SIPA1L2: variants seen among roughly 807,000 people sequenced by gnomAD.
SIPA1L2 encodes signal induced proliferation associated 1 like 2.
A neutral mutation model predicts 163.9 loss-of-function variants in SIPA1L2; 56 were observed. That is an observed-to-expected ratio of 0.34 (90% CI 0.28 to 0.43). The LOEUF (loss-of-function observed/expected upper bound fraction) is 0.43, where lower values mean the gene tolerates loss of function less well. Among genes scored for constraint, SIPA1L2 ranks in the 20% least tolerant of loss-of-function variants. The pLI is 1.00. For synonymous variants in SIPA1L2, 877 were observed against 865.7 expected, an observed-to-expected ratio of 1.01 and a Z score of -0.23; for missense variants, 1,974 against 2,193.5, an observed-to-expected ratio of 0.90 and a Z score of 2.00.
intron 1 of SIPA1L2, among the ~76,000 whole-genome samples, chr1:232,589,060 G>C (rs1660831139): frequency 2.6e-5 from 4 of 152,152 alleles, no homozygotes. Context: ...TAATTGAGAA[G>C]CACTATCTGA....
intron 2 of SIPA1L2, among the ~76,000 whole-genome samples, chr1:232,551,743 C>T (rs1198433046): frequency 1.3e-5 from 2 of 152,242 alleles, no homozygotes; most frequent in Admixed American, 1.3e-4. Context: ...TTTTAAAAAG[C>T]TACAGCCGGA....
At chr1:232,502,198 A>C (rs1218860105) in intron 3 of SIPA1L2, among the ~76,000 whole-genome samples, 1 of 152,170 alleles carries the variant, frequency 6.6e-6, no homozygotes, top group Non-Finnish European at 1.5e-5. Context: ...CCCGGCTCCT[A>C]ATGTATCTAA....
intron 2 of SIPA1L2, among the ~76,000 whole-genome samples, chr1:232,534,242 T>G (rs996987777): frequency 2.6e-5 from 4 of 152,186 alleles, no homozygotes; most frequent in Non-Finnish European, 5.9e-5. Context: ...CCCTCACATG[T>G]ATTGTCAAAT....
intron 10 of SIPA1L2, among the ~76,000 whole-genome samples, chr1:232,454,523 A>G (rs1037435664): frequency 6.6e-6 from 1 of 152,218 alleles, no homozygotes; most frequent in Non-Finnish European, 1.5e-5. Context: ...GTAATACTTC[A>G]AAATTATACA....
At chr1:232,429,016 G>A (rs1662070000) in intron 16 of SIPA1L2, among the ~76,000 whole-genome samples, 1 of 152,160 alleles carries the variant, frequency 6.6e-6, no homozygotes, top group Admixed American at 6.5e-5. Context: ...CGGGGTTTAC[G>A]AGTCATCAAT....
chr1:232,420,047 C>T (rs779684969), intron 18 of SIPA1L2, among the ~76,000 whole-genome samples: 17 of 152,106 alleles, frequency 1.1e-4, no homozygotes, highest in Admixed American at 2.6e-4. Context: ...GCTGGCTGAG[C>T]GCGGTGGCTC....
chr1:232,516,229 A>G (rs536327108), intron 2 of SIPA1L2, among the ~76,000 whole-genome samples: 1 of 152,370 alleles, frequency 6.6e-6, no homozygotes, highest in Non-Finnish European at 1.5e-5. Context: ...TAGAACTCAC[A>G]CAGATCCTCC....
chr1:232,455,887 G>A (rs1022440639), intron 10 of SIPA1L2, among the ~76,000 whole-genome samples: 3 of 151,984 alleles, frequency 2.0e-5, no homozygotes, highest in South Asian at 2.1e-4. Flanking sequence ...GCTTACAAGC[G>A]GGAGCTAAAC....
At chr1:232,562,973 C>A (rs1287341176) in intron 2 of SIPA1L2, among the ~76,000 whole-genome samples, 1 of 152,320 alleles carries the variant, frequency 6.6e-6, no homozygotes, top group East Asian at 1.9e-4. Context: ...CTGGCATCAC[C>A]TGTTAGACTG....
rs753432077 is a variant in SIPA1L2, at chr1:232,432,342, G to A, written c.4161C>T (p.Tyr1387=). Residue 1387 remains tyrosine (Y), a synonymous_variant, in exon 16 of 23, where the codon TAC becomes TAT. Transcript: ENST00000674635. ...ATTTGTTCACTGCCCCTTGTCTGTGGTAGGGCTTGGACATGGACCCGGGAA... is the reference window on the plus strand; with the variant it reads ...ATTTGTTCACTGCCCCTTGTCTGTGATAGGGCTTGGACATGGACCCGGGAA... ...QQVPGSMSKP[Y]HRQGAVNKYV... is the part of the protein sequence containing the mutation. The A allele has an allele frequency of 3.7e-6, 6 of 1,614,064 alleles. No homozygotes were observed. The highest frequency in any genetic ancestry group is 5.1e-6 in the Non-Finnish European group (6 of 1,180,044).
intron 1 of SIPA1L2, among the ~76,000 whole-genome samples, chr1:232,604,870 G>A (rs1017497967): frequency 2.6e-5 from 4 of 151,984 alleles, no homozygotes; most frequent in African/African-American, 7.3e-5. Context: ...TTCATCTTCC[G>A]CCATGATTAT....
At chr1:232,441,182 G>T in intron 14 of SIPA1L2, 109 bp downstream of exon 14, 1 of 758,934 alleles carries the variant, frequency 1.3e-6, no homozygotes, top group Non-Finnish European at 2.1e-6. Context: ...TAAGAGCCCT[G>T]TGAGGTAATG....
intron 7 of SIPA1L2, among the ~76,000 whole-genome samples, chr1:232,474,790 G>C (rs367916046): frequency 5.3e-5 from 8 of 151,930 alleles, no homozygotes; most frequent in African/African-American, 1.9e-4. Flanking sequence ...AACTCAAAAA[G>C]CAAACTGAGA....
rs543517302 is a variant in SIPA1L2 at position 232,490,977 on chromosome 1, T to A, written c.1703A>T (p.Glu568Val). 6.2e-7 allele frequency: 1 copy of A among 1,614,110 alleles called. No homozygotes were observed. Among genetic ancestry groups the A allele is most frequent in the East Asian group, 2.2e-5 (1 of 44,876 alleles). The part of the protein sequence containing the change: ...HGTARGLPLK[E>V]VLEYVIPELS... Reference sequence around the variant, plus strand: ...CTCTGGAATGACGTATTCCAAAACTTCTTTGAGAGGTAGTCCTCGTGCGGT... The same window carrying A: ...CTCTGGAATGACGTATTCCAAAACTACTTTGAGAGGTAGTCCTCGTGCGGT... The change falls in exon 5 of 23, where the codon GAA becomes GTA. Residue 568 changes from glutamate to valine, a missense_variant. Coordinates refer to ENST00000674635, the MANE Select transcript of SIPA1L2 (RefSeq NM_020808.5).
At chr1:232,607,862 C>T (rs965317673) in intron 1 of SIPA1L2, among the ~76,000 whole-genome samples, 3 of 151,500 alleles carry the variant, frequency 2.0e-5, no homozygotes, top group Non-Finnish European at 2.9e-5. Context: ...TTGAAACCAG[C>T]CTGACCAACA....
At position 232,464,893 on chromosome 1, in the gene SIPA1L2, A is replaced by T. The variant is rs748733163; in HGVS notation, c.2767T>A (p.Ser923Thr). Residue 923 changes from serine to threonine, a missense_variant, in exon 9 of 23, where the codon TCC (serine) becomes ACC (threonine). Ser to Thr is a moderately conservative substitution (Grantham distance 58). Transcript: ENST00000674635. ...TCTTCAGCACAGTTGTCTACCGAGG[A>T]CAGGAGGACACATTCTCCTCTTTCG... The part of the protein sequence containing the change: ...FYERGECVLL[S>T]SVDNCAEDIR... The T allele has an allele frequency of 1.9e-6, 3 of 1,613,998 alleles. No individual in the cohort carries two copies. Among genetic ancestry groups the T allele is most frequent in the Non-Finnish European group, 1.7e-6 (2 of 1,179,926 alleles).
At chr1:232,625,264 C>T (rs966862027) in intron 1 of SIPA1L2, among the ~76,000 whole-genome samples, 3 of 152,124 alleles carry the variant, frequency 2.0e-5, no homozygotes, top group Non-Finnish European at 2.9e-5. Context: ...AGACACACTT[C>T]GTGTTGTTCA....
At chr1:232,555,225 G>A (rs1275896979) in intron 2 of SIPA1L2, among the ~76,000 whole-genome samples, 1 of 152,194 alleles carries the variant, frequency 6.6e-6, no homozygotes, top group East Asian at 1.9e-4. Flanking sequence ...AAATTAAACA[G>A]AGAAAAGTTT....
chr1:232,599,663 G>A (rs545387535), intron 1 of SIPA1L2, among the ~76,000 whole-genome samples: 3 of 152,228 alleles, frequency 2.0e-5, no homozygotes, highest in East Asian at 3.9e-4. Context: ...CTCTAAGATT[G>A]GAGATGACCA....
Sources: allele counts gnomAD v4.1 joint callset (sites outside exome capture counted in the v4.1 genomes callset), GRCh38; gene constraint gnomAD v4.1.1; transcripts MANE v1.5; gene names NCBI Gene and HGNC (gene_info 2026-07-23, HGNC 2026-07-21).